The following ITPK1 variants were observed in gnomAD, a reference collection of about 807,000 sequenced individuals.
ITPK1 encodes the protein inositol-tetrakisphosphate 1-kinase.
In ITPK1, 21 loss-of-function variants were observed where a neutral mutation model predicts 45.3. That is an observed-to-expected ratio of 0.46 (90% CI 0.33 to 0.67). The LOEUF is 0.67. Ranked by LOEUF, ITPK1 falls within the 30% of genes least tolerant of loss-of-function variation. ITPK1 has a pLI of 0.02. For synonymous variants in ITPK1, 258 were observed against 253.6 expected (o/e 1.02, Z -0.16); for missense variants, 474 against 573.5 (o/e 0.83, Z 1.77).
At position 92,938,530 on chromosome 14, in the gene ITPK1, G is replaced by T. The variant is rs1201732471; in HGVS notation, c.*3031C>A. The T allele has an allele frequency of 1.2e-6, 2 of 1,611,564 alleles. No individual in the cohort carries two copies. The highest frequency in any genetic ancestry group is 1.7e-6 in the Non-Finnish European group (2 of 1,177,684). ...ATAAAGCACACTTGGCAGTCCCCTG[G>T]GTACAGAGAGGAATGTTTTTCCCAG... On this transcript the variant is annotated 3_prime_UTR_variant, in exon 11 of 11. Transcript: ENST00000267615.
intron 5 of ITPK1, among the ~76,000 whole-genome samples, chr14:92,964,240 C>A (rs1885231283): frequency 8.5e-5 from 13 of 152,204 alleles, no homozygotes; most frequent in Admixed American, 8.5e-4. Context: ...GAGCCCCTGG[C>A]AGACAGTGTT....
At chr14:92,944,051 C>G (rs575621899) in intron 10 of ITPK1, among the ~76,000 whole-genome samples, 3 of 152,312 alleles carry the variant, frequency 2.0e-5, no homozygotes, top group South Asian at 4.1e-4. Flanking sequence ...CACAACGCCT[C>G]GTGAGGACGA....
chr14:93,021,517 C>T (rs542426498), intron 3 of ITPK1, among the ~76,000 whole-genome samples: 3 of 151,636 alleles, frequency 2.0e-5, no homozygotes, highest in Non-Finnish European at 2.9e-5. Flanking sequence ...TGCTTGAACC[C>T]GGGAGGCGGA....
At chr14:92,953,929 T>A (rs939174153) in intron 8 of ITPK1, among the ~76,000 whole-genome samples, 2 of 152,230 alleles carry the variant, frequency 1.3e-5, no homozygotes, top group Admixed American at 1.3e-4. Context: ...AGTCTCACTC[T>A]GTTGCCCAGG....
intron 9 of ITPK1, among the ~76,000 whole-genome samples, chr14:92,951,003 A>T (rs1887930340): frequency 6.6e-6 from 1 of 152,240 alleles, no homozygotes; most frequent in African/African-American, 2.4e-5. Context: ...ACAGACAGAC[A>T]GACAGGCCAT....
At chr14:93,052,869 A>G (rs551208577) in intron 3 of ITPK1, among the ~76,000 whole-genome samples, 84 of 151,824 alleles carry the variant, frequency 5.5e-4, no homozygotes, top group African/African-American at 1.8e-3. Context: ...CTTTCTGAGC[A>G]GGCACATCTG....
intron 3 of ITPK1, among the ~76,000 whole-genome samples, chr14:93,027,758 T>G (rs1477372047): frequency 6.6e-6 from 1 of 152,208 alleles, no homozygotes; most frequent in Non-Finnish European, 1.5e-5. Context: ...GTCCAACTGG[T>G]GCCCCCATTC....
intron 5 of ITPK1, among the ~76,000 whole-genome samples, chr14:92,978,631 T>C (rs1444906475): frequency 6.6e-6 from 1 of 151,984 alleles, no homozygotes; most frequent in Admixed American, 6.5e-5. Flanking sequence ...TCCCAGCTGC[T>C]CCAGCTCCAG....
At chr14:93,077,263 G>A (rs1891263147) in intron 2 of ITPK1, among the ~76,000 whole-genome samples, 1 of 152,136 alleles carries the variant, frequency 6.6e-6, no homozygotes, top group African/African-American at 2.4e-5. Context: ...GCCTGGGTCG[G>A]GGTTTGCCCA....
chr14:93,067,502 A>G (rs966120960), intron 3 of ITPK1: 2 of 152,044 alleles, frequency 1.3e-5, no homozygotes, highest in Admixed American at 6.6e-5. Flanking sequence ...ACTGAGTGCC[A>G]CAGGCTTCGG....
intron 2 of ITPK1, among the ~76,000 whole-genome samples, chr14:93,097,526 G>A (rs561637424): frequency 3.3e-5 from 5 of 152,320 alleles, no homozygotes; most frequent in African/African-American, 1.2e-4. Context: ...CCAGAGCTAC[G>A]CAGCAAAGCC....
intron 2 of ITPK1, among the ~76,000 whole-genome samples, chr14:93,080,584 C>T (rs1468692388): frequency 1.3e-5 from 2 of 152,154 alleles, no homozygotes; most frequent in Non-Finnish European, 2.9e-5. Context: ...GGAAACATTC[C>T]GATACCTGGA....
At chr14:93,113,259 G>A (rs947950928) in intron 2 of ITPK1, among the ~76,000 whole-genome samples, 1 of 152,148 alleles carries the variant, frequency 6.6e-6, no homozygotes, top group Admixed American at 6.5e-5. Context: ...AGCATAGCTT[G>A]CTCTGAACCT....
chr14:93,043,710 G>C (rs950221672), intron 3 of ITPK1, among the ~76,000 whole-genome samples: 1 of 152,196 alleles, frequency 6.6e-6, no homozygotes, highest in Non-Finnish European at 1.5e-5. Flanking sequence ...CCAAGGCTGG[G>C]GGTGGTGTCA....
chr14:93,029,386 T>C (rs944036966), intron 3 of ITPK1, among the ~76,000 whole-genome samples: 6 of 152,058 alleles, frequency 3.9e-5, no homozygotes, highest in Non-Finnish European at 2.9e-5. Context: ...GTGAGAATCT[T>C]CAGGTTAAAG....
At chr14:93,088,336 GTTTTGTTTTT>G (rs1891730797) in intron 2 of ITPK1, among the ~76,000 whole-genome samples, 1 of 126,632 alleles carries the variant, frequency 7.9e-6, no homozygotes, top group African/African-American at 4.0e-5. Context: ...TTTTGGTTTT[GTTTTGTTTTT>G]TTTTTTTTTT....
At chr14:93,101,200 C>T (rs1279647658) in intron 2 of ITPK1, among the ~76,000 whole-genome samples, 2 of 152,184 alleles carry the variant, frequency 1.3e-5, no homozygotes, top group African/African-American at 4.8e-5. Context: ...TTCTGGGCTG[C>T]GAAGCTGTCA....
At chr14:93,044,663 T>C (rs115875538) in intron 3 of ITPK1, among the ~76,000 whole-genome samples, 4,213 of 152,182 alleles carry the variant, frequency 0.028, 173 homozygotes, top group African/African-American at 0.095. Flanking sequence ...CCCAACCCTG[T>C]GGGGCTGTAG....
At chr14:93,055,152 T>C (rs78442504) in intron 3 of ITPK1, among the ~76,000 whole-genome samples, 2,209 of 152,294 alleles carry the variant, frequency 0.015, 56 homozygotes, top group African/African-American at 0.051. Flanking sequence ...ACTGCTGTAT[T>C]CGATACAACT....
Sources: allele counts gnomAD v4.1 joint callset (sites outside exome capture counted in the v4.1 genomes callset), GRCh38; gene constraint gnomAD v4.1.1; transcripts MANE v1.5; gene names NCBI Gene and HGNC (gene_info 2026-07-23, HGNC 2026-07-21).